Variants in QSER1 observed in about 807,000 individuals in gnomAD.
QSER1 encodes glutamine and serine rich 1, also known as glutamine and serine-rich protein 1.
A neutral mutation model predicts 158.5 loss-of-function variants in QSER1; 49 were observed. The observed-to-expected ratio is 0.31, with a 90% CI of 0.25 to 0.39. The LOEUF is 0.39. QSER1 is among the 10% of genes least tolerant of loss of function. QSER1 has a pLI of 1.00. For missense variants in QSER1, 1,754 were observed against 2,010.3 expected (o/e 0.87, Z 2.44); for synonymous variants, 650 against 715.5 (o/e 0.91, Z 1.46).
At chr11:32,957,118 T>C (rs1852528509) in intron 7 of QSER1, among the ~76,000 whole-genome samples, 1 of 149,408 alleles carries the variant, frequency 6.7e-6, no homozygotes, top group South Asian at 2.1e-4. Flanking sequence ...GGTTTTTCTT[T>C]TTTTTCTTTT....
chr11:32,969,130 A>C lies in QSER1; in HGVS notation c.5192A>C (p.Asp1731Ala), dbSNP rs1381742132. The C allele has an allele frequency of 6.3e-7, 1 of 1,587,474 alleles. No homozygotes were observed. Among genetic ancestry groups the C allele is most frequent in the East Asian group, 2.3e-5 (1 of 43,930 alleles). ...RKRLLLNLHLDQSFKNALESF... is the reference protein window; with the variant it reads ...RKRLLLNLHLAQSFKNALESF... Reference sequence around the variant, plus strand: ...AGACTTCTTTTGAATCTTCATTTGGATCAATCATTCAAGGTATTTCCTTCT... The same window carrying C: ...AGACTTCTTTTGAATCTTCATTTGGCTCAATCATTCAAGGTATTTCCTTCT... Residue 1731 changes from aspartate to alanine, a missense_variant, in exon 10 of 13, where the codon GAT becomes GCT. Asp to Ala is a moderately radical substitution (Grantham distance 126). Around this residue, in one of 2 missense-constraint regions of QSER1, gnomAD observed 1,707 missense variants for 1,919.6 expected, o/e 0.89. Transcript: ENST00000650167.
At chr11:32,898,624 CTGCCTAGGGTGGAG>C (rs1197486741) in intron 1 of QSER1, among the ~76,000 whole-genome samples, 1 of 152,036 alleles carries the variant, frequency 6.6e-6, no homozygotes, top group Non-Finnish European at 1.5e-5. Flanking sequence ...TCTAACTCTG[CTGCCTAGGGTGGAG>C]TACAGTGGTA....
At chr11:32,921,175 A>G (rs999982395) in intron 1 of QSER1, among the ~76,000 whole-genome samples, 1 of 152,240 alleles carries the variant, frequency 6.6e-6, no homozygotes, top group Non-Finnish European at 1.5e-5. Context: ...AAAAGGAATG[A>G]GGTACTGATA....
intron 4 of QSER1, among the ~76,000 whole-genome samples, chr11:32,939,204 G>T (rs1383854481): frequency 2.0e-5 from 3 of 152,060 alleles, no homozygotes; most frequent in Admixed American, 1.3e-4. Context: ...CAAAATGAAG[G>T]CCAAACTGAC....
chr11:32,911,780 G>A (rs750238003), intron 1 of QSER1, among the ~76,000 whole-genome samples: 3 of 152,146 alleles, frequency 2.0e-5, no homozygotes, highest in East Asian at 1.9e-4. Flanking sequence ...ACTGTAAGTC[G>A]ATTAAACCTC....
At chr11:32,931,168 A>G (rs962732624) in intron 3 of QSER1, among the ~76,000 whole-genome samples, 1 of 151,850 alleles carries the variant, frequency 6.6e-6, no homozygotes, top group African/African-American at 2.4e-5. Context: ...ATCACTAGAG[A>G]TATGTACATT....
In QSER1 at chr11:32,934,694, G is replaced by A; in HGVS notation, c.3436G>A (p.Glu1146Lys). 2.5e-6 allele frequency: 4 copies of A among 1,613,880 alleles called. No individual in the cohort carries two copies. The highest frequency in any genetic ancestry group is 2.5e-6 in the Non-Finnish European group (3 of 1,179,902). Residue 1146 changes from glutamate (E) to lysine (K), a missense_variant, in exon 4 of 13, where the codon GAG (glutamate) becomes AAG (lysine). By Grantham distance (56) the Glu-to-Lys change is moderately conservative. Around this residue, in one of 2 missense-constraint regions of QSER1, gnomAD observed 1,707 missense variants for 1,919.6 expected, o/e 0.89. Transcript: ENST00000650167. ...FVSSSRSISG[E>K]NATSESEFTL... The stretch of plus-strand genomic sequence containing the variant: ...TTCTAGTAGTAGAAGTATAAGTGGA[G>A]AGAATGCTACATCAGAGAGTGAATT...
intron 1 of QSER1, among the ~76,000 whole-genome samples, chr11:32,908,622 A>G (rs1192997815): frequency 6.6e-6 from 1 of 152,216 alleles, no homozygotes; most frequent in East Asian, 1.9e-4. Context: ...TGGCCGAATA[A>G]TATTTCATTG....
intron 1 of QSER1, among the ~76,000 whole-genome samples, chr11:32,925,036 A>C (rs1193333045): frequency 6.6e-6 from 1 of 152,218 alleles, no homozygotes; most frequent in East Asian, 1.9e-4. Context: ...AGCAGCATCC[A>C]TATTGCTGCA....
rs181137474 is a variant in QSER1, at chr11:32,948,742, T to A, written c.4178-5115T>A. Among the ~76,000 whole-genome samples, 74 of 152,328 alleles carry A rather than the reference T, an allele frequency of 4.9e-4. No individual in the cohort carries two copies. In the East Asian group the frequency reaches 0.011, roughly 23 times the overall value. On this transcript the variant is annotated intron_variant, in intron 4 of 12. Transcript: ENST00000650167. Reference sequence around the variant, plus strand: ...TACTAGAAGTTATACATTCTTTTTTTAAAAAAATTTTGCTTTTTTCATAGA... The same window carrying A: ...TACTAGAAGTTATACATTCTTTTTTAAAAAAAATTTTGCTTTTTTCATAGA...
chr11:32,955,462 GA>G, intron 6 of QSER1, 50 bp downstream of exon 6: 1 of 835,342 alleles, frequency 1.2e-6, no homozygotes, highest in Non-Finnish European at 1.9e-6. Context: ...GTGGTCCTGA[GA>G]AAAACAATGA....
chr11:32,939,947 G>C (rs894822628), intron 4 of QSER1, among the ~76,000 whole-genome samples: 1 of 135,900 alleles, frequency 7.4e-6, no homozygotes, highest in Non-Finnish European at 1.6e-5. Flanking sequence ...AGAAGACTGA[G>C]ATTTTTTTTT....
chr11:32,949,398 T>C (rs1852386493), intron 4 of QSER1, among the ~76,000 whole-genome samples: 1 of 152,192 alleles, frequency 6.6e-6, no homozygotes, highest in African/African-American at 2.4e-5. Flanking sequence ...TCTAAGTTTT[T>C]ATATCAATAA....
chr11:32,963,332 A>G (rs1262038774), intron 8 of QSER1, among the ~76,000 whole-genome samples: 1 of 151,724 alleles, frequency 6.6e-6, no homozygotes, highest in Non-Finnish European at 1.5e-5. Context: ...AGTAGAGACA[A>G]GGTTTTTCCA....
At chr11:32,948,433 T>C (rs1247558652) in intron 4 of QSER1, among the ~76,000 whole-genome samples, 2 of 152,144 alleles carry the variant, frequency 1.3e-5, no homozygotes, top group African/African-American at 2.4e-5. Context: ...ACTTTTTAGC[T>C]GGGGAAACAT....
rs1853045807 is a variant in QSER1 at position 32,980,136 on chromosome 11, G to T, written c.*3662G>T. ...CAATAATTGAAGTTAAGGATATAAA[G>T]AAACCTGCATTTGTAGTCCAGCGTT... is the stretch of plus-strand genomic sequence containing the variant. On this transcript the variant is annotated 3_prime_UTR_variant, in exon 13 of 13. Coordinates refer to ENST00000650167, the MANE Select transcript of QSER1 (RefSeq NM_001076786.3). 2.0e-5 allele frequency: 3 copies of T among 152,610 alleles called. No individual in the cohort carries two copies. In the South Asian group the frequency reaches 6.2e-4, roughly 32 times the overall value. 9.5% of individuals were successfully genotyped at this position (152,610 alleles called of 1,614,324 possible).
At chr11:32,975,157 C>A in intron 11 of QSER1, 91 bp from the exon 12 acceptor site, 1 of 804,852 alleles carries the variant, frequency 1.2e-6, no homozygotes, top group Non-Finnish European at 1.9e-6. Flanking sequence ...TTCAACATTG[C>A]CATTGAGACT....
chr11:32,958,110 C>T (rs776012038), intron 8 of QSER1, 24 bp downstream of exon 8: 1 of 1,569,218 alleles, frequency 6.4e-7, no homozygotes, highest in Non-Finnish European at 8.8e-7. Context: ...GAAATGGCTA[C>T]CCTGATAACT....
Position 32,932,140 on chromosome 11 carries a change from C to T in QSER1, c.882C>T (p.Ala294=). The change falls in exon 4 of 13, where the codon GCC becomes GCT. Residue 294 remains alanine (A), a synonymous_variant. Transcript: ENST00000650167. ...GGGGATCCCAGCAGACTCCTCAAGC[C>T]TACAGTTCAACTCTCTTTACTAGTT... ...ALGGSQQTPQ[A]YSSTLFTSST... is the part of the protein sequence containing the mutation. The T allele has an allele frequency of 6.2e-7, 1 of 1,614,188 alleles. No individual in the cohort carries two copies. The highest frequency in any genetic ancestry group is 2.2e-5 in the East Asian group (1 of 44,882).
Sources: allele counts gnomAD v4.1 joint callset (sites outside exome capture counted in the v4.1 genomes callset), GRCh38; gene constraint gnomAD v4.1.1; regional missense constraint gnomAD v4.1.1; transcripts MANE v1.5; gene names NCBI Gene and HGNC (gene_info 2026-07-23, HGNC 2026-07-21).